The following OPHN1 variants were observed in gnomAD, a reference collection of about 807,000 sequenced individuals.
OPHN1 encodes the protein oligophrenin 1.
Under a neutral mutation model 60.7 loss-of-function variants are expected in OPHN1, and 11 were observed. That is an observed-to-expected ratio of 0.18 (90% CI 0.11 to 0.30). The LOEUF (loss-of-function observed/expected upper bound fraction) is 0.30. OPHN1 is among the 10% of genes least tolerant of loss of function. The pLI is 1.00. For missense variants in OPHN1, 449 were observed against 611.0 expected (o/e 0.73, Z 2.80); for synonymous variants, 226 against 222.6 (o/e 1.02, Z -0.14).
intron 15 of OPHN1, among the ~76,000 whole-genome samples, chrX:68,177,420 G>A (rs1366987911): frequency 9.0e-6 from 1 of 111,378 alleles, no homozygotes; most frequent in Non-Finnish European, 1.9e-5. Context: ...CTAAATGGGG[G>A]CTTGATTAAC....
In OPHN1 at chrX:68,307,288, A is replaced by T. The variant is rs563744609; in HGVS notation, c.155-8192T>A. Among the ~76,000 whole-genome samples the T allele has an allele frequency of 7.5e-4, 79 of 105,665 alleles. No individual in the cohort carries two copies. The East Asian group carries it at 8.3e-3, about 11-fold the overall frequency. The allele number at this position is 105,665 out of a possible 115,157, so 91.8% of individuals were successfully genotyped here. A position where few individuals can be genotyped will look rare whatever the true frequency, so the allele number is the denominator to read the frequency against. On this transcript the variant is annotated intron_variant, in intron 2 of 24. Transcript: ENST00000355520. ...TGAGACCCTGTCTCTACCAAAAAAA[A>T]AATAATAATAATAATAATAGCCGAG...
chrX:68,319,647 G>A (rs1218758823), intron 2 of OPHN1, among the ~76,000 whole-genome samples: 1 of 110,069 alleles, frequency 9.1e-6, no homozygotes, highest in Non-Finnish European at 1.9e-5. Context: ...GAGGTGGGAG[G>A]ATTGCTCGAG....
At chrX:68,105,729 C>G (rs1253849517) in intron 18 of OPHN1, among the ~76,000 whole-genome samples, 1 of 109,565 alleles carries the variant, frequency 9.1e-6, no homozygotes, top group Non-Finnish European at 1.9e-5. Context: ...ATGGGTGCAG[C>G]AAACCACCAT....
At chrX:68,123,443 C>A (rs753293799) in intron 15 of OPHN1, among the ~76,000 whole-genome samples, 3 of 111,565 alleles carry the variant, frequency 2.7e-5, no homozygotes, top group Non-Finnish European at 5.7e-5. Flanking sequence ...TATTATAACA[C>A]CGTAACTGTA....
Position 68,073,183 on chromosome X carries a change from A to T in OPHN1, c.1803T>A (p.Val601=). The T allele has an allele frequency of 8.3e-7, 1 of 1,210,803 alleles. No homozygotes were observed. Among genetic ancestry groups the T allele is most frequent in the Non-Finnish European group, 1.1e-6 (1 of 895,042 alleles). The change falls in exon 20 of 25, where the codon GTT becomes GTA. Residue 601 remains valine (V), a synonymous_variant. Coordinates refer to ENST00000355520, the MANE Select transcript of OPHN1 (RefSeq NM_002547.3). ...ISKRLLRERT[V]FYTSSLDESE... The stretch of plus-strand genomic sequence containing the variant: ...TTTCATCCAGGGAAGAAGTATAGAA[A>T]ACCGTCCTTTCTCGCAGCAAGCGCT...
intron 16 of OPHN1, among the ~76,000 whole-genome samples, chrX:68,117,479 A>G (rs1276963129): frequency 8.9e-6 from 1 of 112,385 alleles, no homozygotes; most frequent in Admixed American, 9.5e-5. Flanking sequence ...ATATCTATAC[A>G]CAACTGTTTG....
At chrX:68,243,365 A>G (rs987463406) in intron 5 of OPHN1, among the ~76,000 whole-genome samples, 3 of 111,315 alleles carry the variant, frequency 2.7e-5, no homozygotes, top group Non-Finnish European at 3.8e-5. Context: ...TGATTAAAAT[A>G]GCCAATGTTG....
intron 18 of OPHN1, among the ~76,000 whole-genome samples, chrX:68,098,584 T>A (rs2077046350): frequency 1.8e-5 from 2 of 111,902 alleles, no homozygotes; most frequent in Admixed American, 1.9e-4. Context: ...CAAAGCTGAG[T>A]ACCATTCAGA....
At chrX:68,079,184 T>C (rs1286913301) in intron 19 of OPHN1, among the ~76,000 whole-genome samples, 1 of 110,477 alleles carries the variant, frequency 9.1e-6, no homozygotes, top group Non-Finnish European at 1.9e-5. Context: ...CCTTCCTCCA[T>C]CATTCATCTC....
intron 19 of OPHN1, among the ~76,000 whole-genome samples, chrX:68,079,619 CA>C (rs2076966888): frequency 8.9e-6 from 1 of 111,847 alleles, no homozygotes; most frequent in Non-Finnish European, 1.9e-5. Context: ...TGTCTGCACT[CA>C]TTCGCTTTCT....
At chrX:68,116,806 C>T (rs2077129117) in intron 16 of OPHN1, among the ~76,000 whole-genome samples, 1 of 111,175 alleles carries the variant, frequency 9.0e-6, no homozygotes, top group Admixed American at 9.6e-5. Flanking sequence ...TGGAAGTCAC[C>T]TTTTTGTCTC....
At chrX:68,291,870 A>T (rs1305098539) in intron 3 of OPHN1, among the ~76,000 whole-genome samples, 2 of 111,115 alleles carry the variant, frequency 1.8e-5, no homozygotes, top group Non-Finnish European at 3.8e-5. Flanking sequence ...TCCCTATGGC[A>T]ATAACTTCCT....
chrX:68,130,592 T>G, intron 15 of OPHN1, among the ~76,000 whole-genome samples: 1 of 111,464 alleles, frequency 9.0e-6, no homozygotes, highest in Admixed American at 9.5e-5. Flanking sequence ...ATGGAAAATA[T>G]TATGTTAAGA....
chrX:68,103,060 A>G (rs914045816), intron 18 of OPHN1, among the ~76,000 whole-genome samples: 20 of 112,095 alleles, frequency 1.8e-4, no homozygotes, highest in Non-Finnish European at 3.4e-4. Flanking sequence ...AAAACCTGGC[A>G]GAAGACACAA....
At chrX:68,086,427 TC>T (rs2076996258) in intron 19 of OPHN1, among the ~76,000 whole-genome samples, 1 of 111,770 alleles carries the variant, frequency 8.9e-6, no homozygotes, top group Non-Finnish European at 1.9e-5. Flanking sequence ...AAGCCATGGG[TC>T]AGAGTTAGTT....
At chrX:68,428,774 C>T (rs1602415982) in intron 2 of OPHN1, among the ~76,000 whole-genome samples, 1 of 111,692 alleles carries the variant, frequency 9.0e-6, no homozygotes, top group East Asian at 2.8e-4. Flanking sequence ...CTGAAGCTAC[C>T]AATATAAAAA....
At chrX:68,190,326 C>G (rs906130282) in intron 15 of OPHN1, among the ~76,000 whole-genome samples, 3 of 112,189 alleles carry the variant, frequency 2.7e-5, no homozygotes, top group African/African-American at 6.5e-5. Context: ...ATGATTGATG[C>G]CCGGGTAGGC....
intron 19 of OPHN1, among the ~76,000 whole-genome samples, chrX:68,085,187 C>A (rs1026359872): frequency 8.9e-6 from 1 of 112,096 alleles, no homozygotes; most frequent in African/African-American, 3.2e-5. Flanking sequence ...AGATTGTCAT[C>A]CTTGCTCCCA....
intron 5 of OPHN1, among the ~76,000 whole-genome samples, chrX:68,259,423 C>T (rs914517239): frequency 9.0e-6 from 1 of 110,500 alleles, no homozygotes; most frequent in African/African-American, 3.3e-5. Context: ...TGTACTCCAC[C>T]CTGGGCAACA....
Sources: gnomAD v4.1 joint callset for allele counts (sites outside exome capture counted in the v4.1 genomes callset) on GRCh38, gnomAD v4.1.1 for gene constraint, MANE v1.5 for transcripts, NCBI Gene and HGNC (gene_info 2026-07-23, HGNC 2026-07-21) for gene names.